Variants in CATSPERD observed in about 807,000 individuals in gnomAD.
CATSPERD encodes catsper channel auxiliary subunit delta, also known as cation channel sperm-associated auxiliary subunit delta.
Under a neutral mutation model 98.1 loss-of-function variants are expected in CATSPERD, and 86 were observed. The ratio of observed to expected loss-of-function variants is 0.88; its 90% CI spans 0.74 to 1.05. The LOEUF is 1.05. Ranked by LOEUF, CATSPERD falls within the 50% of genes least tolerant of loss-of-function variation. The pLI, the probability that CATSPERD is intolerant of heterozygous loss-of-function variation, is 0.00. For missense variants in CATSPERD, 995 were observed against 1,005.7 expected, an observed-to-expected ratio of 0.99 and a Z score of 0.14; for synonymous variants, 394 against 390.2, an observed-to-expected ratio of 1.01 and a Z score of -0.12.
chr19:5,738,413 T>C (rs2055891306), intron 6 of CATSPERD, among the ~76,000 whole-genome samples: 1 of 150,320 alleles, frequency 6.7e-6, no homozygotes. Flanking sequence ...GCACCTATAG[T>C]CCCAGTTACT....
At chr19:5,762,573 A>G (rs2056460740) in intron 15 of CATSPERD, among the ~76,000 whole-genome samples, 2 of 152,136 alleles carry the variant, frequency 1.3e-5, no homozygotes, top group South Asian at 4.1e-4. Context: ...GGATAGATGG[A>G]TAGAGAGATG....
At position 5,720,688 on chromosome 19, in the gene CATSPERD, GACT is replaced by G; in HGVS notation, c.-49_-47del. ...CCTGCACGTACTCGGATTGTGCAGC[GACT>G]CCCCGTGGCGGTTGAGGGGCAGTGG... On this transcript the variant is annotated 5_prime_UTR_variant, in exon 1 of 22. Transcript: ENST00000381624. The G allele has an allele frequency of 1.3e-6, 2 of 1,563,058 alleles. No homozygotes were observed. Among genetic ancestry groups the G allele is most frequent in the Non-Finnish European group, 1.7e-6 (2 of 1,146,306 alleles).
intron 4 of CATSPERD, among the ~76,000 whole-genome samples, chr19:5,732,331 C>G (rs2055741985): frequency 6.6e-6 from 1 of 152,130 alleles, no homozygotes; most frequent in African/African-American, 2.4e-5. Context: ...TCAGGGCACC[C>G]AAGACCAGCT....
intron 7 of CATSPERD, 96 bp from the exon 8 acceptor site, chr19:5,744,331 C>G: frequency 1.9e-6 from 2 of 1,068,308 alleles, no homozygotes. Flanking sequence ...AAAAGACTTT[C>G]CTTCATTGTA....
rs763086834 is a variant in CATSPERD, at chr19:5,745,946, C to T, written c.691C>T (p.Arg231Trp). 5.9e-5 allele frequency: 96 copies of T among 1,613,988 alleles called. No homozygotes were observed. The highest frequency in any genetic ancestry group is 3.1e-4 in the African/African-American group (23 of 74,926). The part of the protein sequence containing the change: ...MFKYSDHPLN[R>W]SFGLSFDYNG... ...CAAGTACTCAGATCACCCCCTCAAC[C>T]GGAGTTTCGGGCTGTCTTTTGACTA... The change falls in exon 9 of 22, where the codon CGG becomes TGG. Residue 231 changes from arginine to tryptophan, a missense_variant. This residue lies in a region of CATSPERD where 762 missense variants were observed against 773.7 expected (regional missense o/e 0.98). Coordinates refer to ENST00000381624, the MANE Select transcript of CATSPERD (RefSeq NM_152784.4).
intron 20 of CATSPERD, among the ~76,000 whole-genome samples, chr19:5,774,791 T>C (rs959412409): frequency 2.0e-5 from 3 of 152,086 alleles, no homozygotes; most frequent in African/African-American, 7.2e-5. Flanking sequence ...CCGAGGTGGA[T>C]GGATCACTTG....
At position 5,766,161 on chromosome 19, in the gene CATSPERD, T is replaced by C. The variant is rs768299370; in HGVS notation, c.1559+6T>C. ...AAAAAGATCGTCATCCAGAAGTAAG[T>C]ATGTTGAGGCCGGGCACCATGGCTC... On this transcript the variant is annotated splice_donor_region_variant and intron_variant, in intron 17 of 21. Transcript: ENST00000381624. The C allele has an allele frequency of 6.2e-7, 1 of 1,612,300 alleles. No individual in the cohort carries two copies. The highest frequency in any genetic ancestry group is 1.7e-5 in the Admixed American group (1 of 59,798).
chr19:5,752,181 C>T (rs1486202227), intron 12 of CATSPERD, among the ~76,000 whole-genome samples: 2 of 151,858 alleles, frequency 1.3e-5, no homozygotes, highest in Admixed American at 6.6e-5. Context: ...TGGTGGCGGG[C>T]GCCTGTAATC....
chr19:5,751,070 G>A (rs2056204103), intron 11 of CATSPERD, among the ~76,000 whole-genome samples: 1 of 149,968 alleles, frequency 6.7e-6, no homozygotes, highest in Non-Finnish European at 1.5e-5. Flanking sequence ...AAAATTAGCC[G>A]GGCATGGTGG....
chr19:5,766,695 A>G (rs1208304104), intron 17 of CATSPERD, among the ~76,000 whole-genome samples: 3 of 71,130 alleles, frequency 4.2e-5, no homozygotes, highest in Non-Finnish European at 9.8e-5. Flanking sequence ...GGTGATATCC[A>G]CATTTTTTTT....
chr19:5,752,588 A>G (rs2056241618), intron 12 of CATSPERD, among the ~76,000 whole-genome samples: 1 of 152,144 alleles, frequency 6.6e-6, no homozygotes, highest in Non-Finnish European at 1.5e-5. Flanking sequence ...ACACGATCAA[A>G]CTCAATCTCA....
chr19:5,754,393 C>CTTTTTTTTTTTTTTTTTTTTTTTTTTTT (rs749080620), intron 13 of CATSPERD, 148 bp downstream of exon 13: 1 of 209,166 alleles, frequency 4.8e-6, no homozygotes. Flanking sequence ...GTCTCTGTGT[C>CTTTTTTTTTTTTTTTTTTTTTTTTTTTT]TTTTTTTTTT....
chr19:5,742,636 G>A (rs2436538), intron 7 of CATSPERD, among the ~76,000 whole-genome samples: 57,467 of 151,716 alleles, frequency 0.38, 11,305 homozygotes, highest in Non-Finnish European at 0.44. Context: ...ACAAAAAATT[G>A]AAAAAGAAAT....
intron 1 of CATSPERD, among the ~76,000 whole-genome samples, chr19:5,723,449 G>A (rs2055539125): frequency 7.2e-6 from 1 of 139,162 alleles, no homozygotes; most frequent in South Asian, 2.4e-4. Context: ...CCGCCACCCT[G>A]CCCAGCTAAT....
intron 9 of CATSPERD, 99 bp from the exon 10 acceptor site, chr19:5,748,061 G>C: frequency 2.3e-6 from 2 of 881,160 alleles, no homozygotes; most frequent in Non-Finnish European, 3.8e-6. Flanking sequence ...CTGGCCGGGT[G>C]GGTTGGGTGG....
rs1411550146 is a variant in CATSPERD, at chr19:5,762,605, G to GTGGA, written c.1428-606_1428-603dup. On this transcript the variant is annotated intron_variant, in intron 15 of 21. Transcript: ENST00000381624. ...GATGGACGGATGGTTGGGTGGATGG[G>GTGGA]TGGATGGGTGGGTGGATGGATGGAT... Among the ~76,000 whole-genome samples the GTGGA allele has an allele frequency of 2.0e-5, 3 of 151,928 alleles. No homozygotes were observed. In the East Asian group the frequency reaches 5.8e-4, roughly 29 times the overall value.
At position 5,754,214 on chromosome 19, in the gene CATSPERD, T is replaced by TA; in HGVS notation, c.1248dup (p.Pro417ThrfsTer98). The TA allele has an allele frequency of 1.2e-6, 2 of 1,613,834 alleles. No individual in the cohort carries two copies. Reference sequence around the variant, plus strand: ...CAGCTGGAATTGACTGCTTCGTTGATACCCCAGCCAGGCACATCCCTGATT... The same window carrying TA: ...CAGCTGGAATTGACTGCTTCGTTGATAACCCCAGCCAGGCACATCCCTGATT... On this transcript the variant is annotated frameshift_variant, in exon 13 of 22. Coordinates refer to ENST00000381624, the MANE Select transcript of CATSPERD (RefSeq NM_152784.4). LOFTEE classifies it high-confidence loss of function.
At chr19:5,745,200 C>T (rs1196100559) in intron 8 of CATSPERD, among the ~76,000 whole-genome samples, 5 of 152,078 alleles carry the variant, frequency 3.3e-5, no homozygotes, top group African/African-American at 4.8e-5. Context: ...CCTCCGCCGC[C>T]GCGGCCTCCC....
chr19:5,722,411 G>A (rs1194452598), intron 1 of CATSPERD, among the ~76,000 whole-genome samples: 3 of 152,094 alleles, frequency 2.0e-5, no homozygotes, highest in South Asian at 2.1e-4. Context: ...GTGTGCCACC[G>A]CGCCCGGCCA....
Sources: allele counts gnomAD v4.1 joint callset (sites outside exome capture counted in the v4.1 genomes callset), GRCh38; gene constraint gnomAD v4.1.1; regional missense constraint gnomAD v4.1.1; transcripts MANE v1.5; gene names NCBI Gene and HGNC (gene_info 2026-07-23, HGNC 2026-07-21).